The following SLC25A21 variants were observed in gnomAD, a reference collection of about 807,000 sequenced individuals.
SLC25A21 encodes solute carrier family 25 member 21.
In SLC25A21, 47 loss-of-function variants were observed where a neutral mutation model predicts 43.8. The observed-to-expected ratio is 1.07, with a 90% CI of 0.85 to 1.37. The LOEUF (loss-of-function observed/expected upper bound fraction) is 1.37, where lower values mean the gene tolerates loss of function less well. SLC25A21 is among the 40% of genes most tolerant of loss of function. The pLI is 0.00. For missense variants in SLC25A21, 352 were observed against 350.2 expected (o/e 1.00, Z -0.04); for synonymous variants, 131 against 121.3 (o/e 1.08, Z -0.52).
intron 1 of SLC25A21, among the ~76,000 whole-genome samples, chr14:36,995,920 C>A (rs1258614660): frequency 2.0e-4 from 30 of 152,188 alleles, no homozygotes; most frequent in Admixed American, 1.9e-3. Flanking sequence ...ACCAGGCATT[C>A]ATTTAATCTT....
At chr14:36,914,015 A>G (rs1243538181) in intron 1 of SLC25A21, among the ~76,000 whole-genome samples, 1 of 152,232 alleles carries the variant, frequency 6.6e-6, no homozygotes, top group Non-Finnish European at 1.5e-5. Context: ...TTATAATTAT[A>G]TAAGAATTTC....
intron 7 of SLC25A21, among the ~76,000 whole-genome samples, chr14:36,695,355 G>C (rs1160633891): frequency 6.6e-6 from 1 of 152,172 alleles, no homozygotes; most frequent in Non-Finnish European, 1.5e-5. Flanking sequence ...GATGTCTCCA[G>C]CTTTATTCTT....
chr14:36,743,863 G>A lies in SLC25A21; in HGVS notation c.204-9290C>T, dbSNP rs1438007795. Reference sequence around the variant, plus strand: ...CAAAATCAACATACCAAAATCAGTAGCATTTCTATATACCAATAATAATCA... The same window carrying A: ...CAAAATCAACATACCAAAATCAGTAACATTTCTATATACCAATAATAATCA... On this transcript the variant is annotated intron_variant, in intron 3 of 9. Transcript: ENST00000331299. 5.9e-5 allele frequency among the ~76,000 whole-genome samples: 9 copies of A among 152,238 alleles called. No homozygotes were observed. In the East Asian group the frequency reaches 1.7e-3, roughly 29 times the overall value.
rs202218148 is a variant in SLC25A21, at chr14:36,987,347, AT to A, written c.71-112344del. ...CTTCTTTTTCTAACCAAACACTACA[AT>A]TTTTTTCATAAGTACATTTTAATAT... On this transcript the variant is annotated intron_variant, in intron 1 of 9. Coordinates refer to ENST00000331299, the MANE Select transcript of SLC25A21 (RefSeq NM_030631.4). 8.5e-3 allele frequency among the ~76,000 whole-genome samples: 1,288 copies of A among 152,216 alleles called. 12 individuals carry two copies. Among genetic ancestry groups the A allele is most frequent in the Non-Finnish European group, 0.013 (900 of 68,000 alleles).
chr14:36,744,368 C>T (rs763498333), intron 3 of SLC25A21, among the ~76,000 whole-genome samples: 24 of 152,062 alleles, frequency 1.6e-4, no homozygotes, highest in Non-Finnish European at 3.4e-4. Flanking sequence ...GAATAGAGAA[C>T]TTAGAAATAA....
At chr14:37,045,550 C>T (rs962033939) in intron 1 of SLC25A21, among the ~76,000 whole-genome samples, 1 of 152,188 alleles carries the variant, frequency 6.6e-6, no homozygotes, top group African/African-American at 2.4e-5. Context: ...AGACATTCAG[C>T]GACTCAAAGT....
At chr14:36,874,031 C>T (rs544911018) in intron 2 of SLC25A21, among the ~76,000 whole-genome samples, 1 of 152,324 alleles carries the variant, frequency 6.6e-6, no homozygotes, top group South Asian at 2.1e-4. Flanking sequence ...ATCTTCCCTA[C>T]CTCTATTAGA....
At chr14:36,945,895 T>TA (rs1196055600) in intron 1 of SLC25A21, among the ~76,000 whole-genome samples, 4 of 152,108 alleles carry the variant, frequency 2.6e-5, no homozygotes, top group African/African-American at 4.8e-5. Context: ...TTTGCCACAA[T>TA]AAAAAACTAA....
rs145348294 is a variant in SLC25A21 at position 36,993,177 on chromosome 14, C to A, written c.71-118173G>T. Among the ~76,000 whole-genome samples the A allele has an allele frequency of 2.9e-3, 443 of 152,228 alleles. 4 individuals are homozygous for A. Among genetic ancestry groups the A allele is most frequent in the Non-Finnish European group, 1.7e-3 (118 of 68,028 alleles). ...TTAATACTGCTATTTTCTATAGAAT[C>A]ATATTACTGCAAGCTACAACCCAGT... On this transcript the variant is annotated intron_variant, in intron 1 of 9. Transcript: ENST00000331299.
At chr14:36,792,459 C>T (rs1216261843) in intron 3 of SLC25A21, among the ~76,000 whole-genome samples, 3 of 152,118 alleles carry the variant, frequency 2.0e-5, no homozygotes, top group Non-Finnish European at 2.9e-5. Flanking sequence ...TGAAAACCCA[C>T]AGTCAAGAGC....
intron 3 of SLC25A21, chr14:36,809,027 C>T (rs1430817137): frequency 1.3e-5 from 2 of 152,078 alleles, no homozygotes; most frequent in Non-Finnish European, 2.9e-5. Context: ...GAGACTAGGC[C>T]AACTTTCATA....
At chr14:36,813,758 A>C (rs1888354334) in intron 3 of SLC25A21, among the ~76,000 whole-genome samples, 160 bp downstream of exon 3, 1 of 152,164 alleles carries the variant, frequency 6.6e-6, no homozygotes, top group Non-Finnish European at 1.5e-5. Flanking sequence ...TTATATATAT[A>C]TCCAGTTTTC....
chr14:36,984,702 T>C (rs1298045833), intron 1 of SLC25A21, among the ~76,000 whole-genome samples: 2 of 152,098 alleles, frequency 1.3e-5, no homozygotes, highest in African/African-American at 2.4e-5. Flanking sequence ...TATTTTGAAA[T>C]AAATCCAAAT....
chr14:36,767,152 G>A (rs1594569174), intron 3 of SLC25A21, among the ~76,000 whole-genome samples: 1 of 151,974 alleles, frequency 6.6e-6, no homozygotes, highest in East Asian at 1.9e-4. Flanking sequence ...TAATTTTCTA[G>A]CAGACTTAAA....
chr14:36,855,896 T>C lies in SLC25A21; in HGVS notation c.119+19060A>G, dbSNP rs1336630983. On this transcript the variant is annotated intron_variant, in intron 2 of 9. Transcript: ENST00000331299. ...GTGGTTTTGTTTCCCAGGCGGGTATTCGGCAATGTCTGGAGGCATTTTCAG... is the reference window on the plus strand; with the variant it reads ...GTGGTTTTGTTTCCCAGGCGGGTATCCGGCAATGTCTGGAGGCATTTTCAG... Among the ~76,000 whole-genome samples, 10 of 152,148 alleles carry C rather than the reference T, an allele frequency of 6.6e-5. 1 individual carries two copies. Among genetic ancestry groups the C allele is most frequent in the Non-Finnish European group, 1.5e-4 (10 of 68,022 alleles).
At chr14:36,886,547 AGAATT>A (rs1890918790) in intron 1 of SLC25A21, among the ~76,000 whole-genome samples, 1 of 152,200 alleles carries the variant, frequency 6.6e-6, no homozygotes, top group Non-Finnish European at 1.5e-5. Context: ...AACTCACTGA[AGAATT>A]TAGGGAAATA....
chr14:37,131,832 C>T (rs1365038986), intron 1 of SLC25A21, among the ~76,000 whole-genome samples: 2 of 152,094 alleles, frequency 1.3e-5, no homozygotes, highest in Non-Finnish European at 2.9e-5. Flanking sequence ...TGCCACCACA[C>T]TCTGCTAATT....
At chr14:36,746,367 GT>G (rs896072453) in intron 3 of SLC25A21, among the ~76,000 whole-genome samples, 1 of 152,094 alleles carries the variant, frequency 6.6e-6, no homozygotes, top group Non-Finnish European at 1.5e-5. Flanking sequence ...AAAACTTCGT[GT>G]TCTCCTTTAT....
At chr14:36,819,159 C>G (rs1888546303) in intron 2 of SLC25A21, among the ~76,000 whole-genome samples, 1 of 152,112 alleles carries the variant, frequency 6.6e-6, no homozygotes. Context: ...TGGCTCAAAC[C>G]CTAGGCTGCA....
Sources: gnomAD v4.1 joint callset for allele counts (sites outside exome capture counted in the v4.1 genomes callset) on GRCh38, gnomAD v4.1.1 for gene constraint, MANE v1.5 for transcripts, NCBI Gene and HGNC (gene_info 2026-07-23, HGNC 2026-07-21) for gene names.